SNTG1: variants seen among roughly 807,000 people sequenced by gnomAD.
The protein encoded by SNTG1 is syntrophin gamma 1.
Under a neutral mutation model 74.7 loss-of-function variants are expected in SNTG1, and 39 were observed. The observed-to-expected ratio is 0.52, with a 90% CI of 0.40 to 0.68. The LOEUF (loss-of-function observed/expected upper bound fraction) is 0.68. Ranked by LOEUF, SNTG1 falls within the 30% of genes least tolerant of loss-of-function variation. The pLI, the probability that SNTG1 is intolerant of heterozygous loss-of-function variation, is 0.00. For synonymous variants in SNTG1, 254 were observed against 217.1 expected, an observed-to-expected ratio of 1.17 and a Z score of -1.49; for missense variants, 685 against 609.5, an observed-to-expected ratio of 1.12 and a Z score of -1.30.
chr8:50,122,068 A>G (rs1401020942), intron 1 of SNTG1, among the ~76,000 whole-genome samples: 6 of 140,722 alleles, frequency 4.3e-5, no homozygotes, highest in Non-Finnish European at 6.3e-5. Flanking sequence ...CACCATGTCC[A>G]ACCCTCGATG....
intron 1 of SNTG1, among the ~76,000 whole-genome samples, chr8:50,128,445 C>T (rs1244601771): frequency 2.0e-5 from 3 of 152,092 alleles, no homozygotes; most frequent in African/African-American, 7.2e-5. Context: ...ATTTAAAAAG[C>T]ATTCATGCCC....
chr8:50,586,335 A>G (rs531938930), intron 12 of SNTG1, among the ~76,000 whole-genome samples: 3 of 152,332 alleles, frequency 2.0e-5, no homozygotes, highest in Admixed American at 1.3e-4. Flanking sequence ...TAGATATTTG[A>G]TAATTAATGA....
intron 18 of SNTG1, among the ~76,000 whole-genome samples, chr8:50,763,825 T>C (rs1326772448): frequency 6.9e-6 from 1 of 144,648 alleles, no homozygotes; most frequent in Non-Finnish European, 1.5e-5. Flanking sequence ...AATTTTACTT[T>C]TTTAGAGATA....
At chr8:50,652,954 C>T (rs2095157234) in intron 13 of SNTG1, among the ~76,000 whole-genome samples, 1 of 151,606 alleles carries the variant, frequency 6.6e-6, no homozygotes, top group South Asian at 2.1e-4. Context: ...TGCCTTAGAT[C>T]TACGTTTTCT....
intron 1 of SNTG1, among the ~76,000 whole-genome samples, chr8:49,926,410 G>A (rs2129349958): frequency 6.6e-6 from 1 of 152,050 alleles, no homozygotes; most frequent in South Asian, 2.1e-4. Context: ...AGAAAACTAT[G>A]CTGAACTTCA....
At chr8:50,276,197 T>G (rs922633667) in intron 2 of SNTG1, among the ~76,000 whole-genome samples, 22 of 152,156 alleles carry the variant, frequency 1.4e-4, no homozygotes, top group African/African-American at 5.1e-4. Context: ...TGTTTGTTAA[T>G]TGGTAGATGA....
At position 50,785,253 on chromosome 8, in the gene SNTG1, T is replaced by C. The variant is rs565964296; in HGVS notation, c.1396-7418T>C. 6.2e-4 allele frequency among the ~76,000 whole-genome samples: 94 copies of C among 151,944 alleles called. 1 individual carries two copies. The highest frequency in any genetic ancestry group is 2.1e-3 in the African/African-American group (89 of 41,498). On this transcript the variant is annotated intron_variant, in intron 18 of 18. Transcript: ENST00000642720. ...TGAGAAAATTAGAAAATCTCAAATT[T>C]AGTTTTTTAAAAAGGTTAACAAGAG...
intron 1 of SNTG1, among the ~76,000 whole-genome samples, chr8:49,929,240 T>C (rs964632587): frequency 2.6e-5 from 4 of 152,210 alleles, no homozygotes; most frequent in African/African-American, 9.6e-5. Flanking sequence ...TATAATTCAT[T>C]GGAGAGGAAA....
At chr8:50,382,427 T>C (rs2131238815) in intron 2 of SNTG1, among the ~76,000 whole-genome samples, 1 of 152,274 alleles carries the variant, frequency 6.6e-6, no homozygotes, top group African/African-American at 2.4e-5. Context: ...TAGAGTTATT[T>C]GGATACAAGA....
chr8:50,372,763 C>T lies in SNTG1; in HGVS notation c.-27-21449C>T, dbSNP rs145023611. Reference sequence around the variant, plus strand: ...AGGATTTCAATAATGAAACTCAGTACGCAGTGCAGTCTGAATAGTTGTTTG... The same window carrying T: ...AGGATTTCAATAATGAAACTCAGTATGCAGTGCAGTCTGAATAGTTGTTTG... On this transcript the variant is annotated intron_variant, in intron 2 of 18. Coordinates refer to ENST00000642720, the MANE Select transcript of SNTG1 (RefSeq NM_018967.5). 2.6e-4 allele frequency among the ~76,000 whole-genome samples: 39 copies of T among 151,872 alleles called. No individual in the cohort carries two copies. The East Asian group carries it at 3.9e-3, about 15-fold the overall frequency.
At position 50,597,318 on chromosome 8, in the gene SNTG1, C is replaced by A. The variant is rs150668359; in HGVS notation, c.849+6401C>A. On this transcript the variant is annotated intron_variant, in intron 13 of 18. Coordinates refer to ENST00000642720, the MANE Select transcript of SNTG1 (RefSeq NM_018967.5). ...ACACACATATATATACATATATACA[C>A]GTATATATACACATATATATACATA... Among the ~76,000 whole-genome samples, 751 of 148,942 alleles carry A rather than the reference C, an allele frequency of 5.0e-3. 7 individuals are homozygous for A. Among genetic ancestry groups the A allele is most frequent in the African/African-American group, 0.018 (721 of 40,738 alleles).
intron 1 of SNTG1, among the ~76,000 whole-genome samples, chr8:50,136,793 A>C (rs1242629720): frequency 6.6e-6 from 1 of 152,154 alleles, no homozygotes; most frequent in Non-Finnish European, 1.5e-5. Flanking sequence ...CAGGCCTATT[A>C]GCCCCATGGC....
chr8:50,366,645 A>T (rs1159000092), intron 2 of SNTG1, among the ~76,000 whole-genome samples: 1 of 147,552 alleles, frequency 6.8e-6, no homozygotes, highest in Non-Finnish European at 1.5e-5. Context: ...ATGATTTTAT[A>T]TATATATTAT....
chr8:50,716,154 C>T (rs1355182367), intron 17 of SNTG1, among the ~76,000 whole-genome samples: 1 of 152,046 alleles, frequency 6.6e-6, no homozygotes, highest in Non-Finnish European at 1.5e-5. Context: ...TTTATATGAT[C>T]ATAATATGAA....
At chr8:50,389,242 G>A (rs1285498535) in intron 2 of SNTG1, among the ~76,000 whole-genome samples, 2 of 152,188 alleles carry the variant, frequency 1.3e-5, no homozygotes, top group East Asian at 3.9e-4. Flanking sequence ...AGTGGATACA[G>A]TTGTTTCCCA....
intron 1 of SNTG1, among the ~76,000 whole-genome samples, chr8:49,931,636 A>G (rs1807602579): frequency 6.6e-6 from 1 of 152,248 alleles, no homozygotes; most frequent in Non-Finnish European, 1.5e-5. Context: ...ATAACCTAGA[A>G]GTTTATAAAC....
At chr8:50,549,043 T>C (rs1478338851) in intron 11 of SNTG1, among the ~76,000 whole-genome samples, 1 of 152,118 alleles carries the variant, frequency 6.6e-6, no homozygotes, top group Non-Finnish European at 1.5e-5. Flanking sequence ...AAAGGAGTAC[T>C]GGGGAGAAAG....
Position 50,549,506 on chromosome 8 carries a change from C to G in SNTG1, c.681-3544C>G, listed in dbSNP as rs116818240. 7.7e-3 allele frequency among the ~76,000 whole-genome samples: 1,173 copies of G among 152,172 alleles called. 18 individuals are homozygous for G. Among genetic ancestry groups the G allele is most frequent in the African/African-American group, 0.027 (1,121 of 41,524 alleles). On this transcript the variant is annotated intron_variant, in intron 11 of 18. Coordinates refer to ENST00000642720, the MANE Select transcript of SNTG1 (RefSeq NM_018967.5). ...ACTTTATTCTCTCTTTTTTCCATAT[C>G]CTTCACCCCACAGAGAGATATTTCT...
At chr8:50,256,241 C>T (rs2086875882) in intron 2 of SNTG1, among the ~76,000 whole-genome samples, 1 of 151,806 alleles carries the variant, frequency 6.6e-6, no homozygotes, top group Non-Finnish European at 1.5e-5. Context: ...TTGTAACACC[C>T]ACAGGGCCCA....
Sources: gnomAD v4.1 joint callset for allele counts (sites outside exome capture counted in the v4.1 genomes callset) on GRCh38, gnomAD v4.1.1 for gene constraint, MANE v1.5 for transcripts, NCBI Gene and HGNC (gene_info 2026-07-23, HGNC 2026-07-21) for gene names.